DDC: variants seen among roughly 807,000 people sequenced by gnomAD.
DDC encodes dopa decarboxylase.
Under a neutral mutation model 60.0 loss-of-function variants are expected in DDC, and 43 were observed. The ratio of observed to expected loss-of-function variants is 0.72; its 90% confidence interval spans 0.56 to 0.92. DDC has a LOEUF of 0.92. DDC is among the 40% of genes least tolerant of loss of function. The pLI, the probability that DDC is intolerant of heterozygous loss-of-function variation, is 0.00. For synonymous variants in DDC, 232 were observed against 234.6 expected (o/e 0.99, Z 0.10); for missense variants, 573 against 620.2 (o/e 0.92, Z 0.81).
chr7:50,474,559 C>T (rs527931522), intron 11 of DDC, among the ~76,000 whole-genome samples: 37 of 152,228 alleles, frequency 2.4e-4, no homozygotes, highest in African/African-American at 6.3e-4. Flanking sequence ...TCTTGGTGAA[C>T]GGTAGAAACT....
chr7:50,480,801 A>C (rs1436074144), intron 9 of DDC, among the ~76,000 whole-genome samples: 2 of 152,172 alleles, frequency 1.3e-5, no homozygotes, highest in African/African-American at 2.4e-5. Flanking sequence ...GAAAATCCCA[A>C]GGGCTAATGA....
chr7:50,529,185 T>G, intron 5 of DDC, 23 bp downstream of exon 5: 1 of 1,612,596 alleles, frequency 6.2e-7, no homozygotes, highest in Non-Finnish European at 8.5e-7. Flanking sequence ...AAGTCTTGGC[T>G]GATACCCCCA....
intron 9 of DDC, chr7:50,492,685 T>TCTCTGTCCTC: frequency 1.6e-6 from 2 of 1,217,630 alleles, no homozygotes; most frequent in Non-Finnish European, 1.0e-6. Context: ...TACAAGGAAA[T>TCTCTGTCCTC]TTTCCAAATG....
At chr7:50,468,044 G>A (rs1422178809) in intron 12 of DDC, among the ~76,000 whole-genome samples, 1 of 152,258 alleles carries the variant, frequency 6.6e-6, no homozygotes, top group East Asian at 1.9e-4. Flanking sequence ...GGAGCCCTCC[G>A]TGGCGTAGGC....
intron 10 of DDC, among the ~76,000 whole-genome samples, chr7:50,479,552 C>T (rs2042721175): frequency 1.3e-5 from 2 of 152,142 alleles, no homozygotes; most frequent in Admixed American, 1.3e-4. Context: ...ATGAGCCCAG[C>T]AGGTTCTCAG....
At position 50,537,600 on chromosome 7, in the gene DDC, C is replaced by T. The variant is rs11575320; in HGVS notation, c.435+260G>A. Among the ~76,000 whole-genome samples, 33,345 of 152,154 alleles carry T rather than the reference C, an allele frequency of 0.22. 3,797 individuals are homozygous for T. The highest frequency in any genetic ancestry group is 0.39 in the East Asian group (2,037 of 5,172). ...CCACGCACCTGCTGTGAGATAGCGG[C>T]TGTGCTACCTACCATAGCTAGGGGC... On this transcript the variant is annotated intron_variant, in intron 4 of 14. Coordinates refer to ENST00000444124, the MANE Select transcript of DDC (RefSeq NM_001082971.2).
At chr7:50,508,518 C>T (rs1329873976) in intron 6 of DDC, among the ~76,000 whole-genome samples, 1 of 152,188 alleles carries the variant, frequency 6.6e-6, no homozygotes, top group Non-Finnish European at 1.5e-5. Context: ...CAAGCTGGCT[C>T]ATTAGGGAAG....
At chr7:50,463,170 CG>C in intron 14 of DDC, 42 bp downstream of exon 14, 1 of 1,509,252 alleles carries the variant, frequency 6.6e-7, no homozygotes, top group Non-Finnish European at 9.0e-7. Context: ...ACTCTTGCCA[CG>C]GGACAAGGAG....
chr7:50,499,283 C>G (rs1271245728), intron 7 of DDC, 41 bp from the exon 8 acceptor site: 1 of 1,434,442 alleles, frequency 7.0e-7, no homozygotes. Context: ...AGATGGATGC[C>G]TCACCACGGA....
At chr7:50,558,176 C>G (rs2045245304) in intron 1 of DDC, among the ~76,000 whole-genome samples, 1 of 151,816 alleles carries the variant, frequency 6.6e-6, no homozygotes, top group African/African-American at 2.4e-5. Flanking sequence ...TAACCATCTG[C>G]CTTTGCTATT....
chr7:50,513,597 C>T (rs1002957127), intron 6 of DDC, among the ~76,000 whole-genome samples: 3 of 152,120 alleles, frequency 2.0e-5, no homozygotes, highest in Non-Finnish European at 2.9e-5. Flanking sequence ...AAGCCCCTCT[C>T]GCCCATGCCC....
Position 50,528,224 on chromosome 7 carries a change from G to T in DDC, c.627C>A (p.Ile209=), listed in dbSNP as rs755420245. Residue 209 remains isoleucine, a synonymous_variant, in exon 6 of 15, where the codon ATC becomes ATA. Transcript: ENST00000444124. ...GCATGGCGAAGTTGCCATCTGAGGG[G>T]ATGGCTTTTAATTTCACTCCACCAA... ...GLIGGVKLKA[I]PSDGNFAMRA... The T allele has an allele frequency of 3.1e-6, 5 of 1,614,204 alleles. No homozygotes were observed. The South Asian group carries it at 5.5e-5, about 18-fold the overall frequency.
intron 9 of DDC, among the ~76,000 whole-genome samples, chr7:50,483,408 T>C (rs747245065): frequency 6.6e-6 from 1 of 152,226 alleles, no homozygotes; most frequent in Non-Finnish European, 1.5e-5. Flanking sequence ...TTGCTAATGT[T>C]TGACATAGAA....
At chr7:50,497,568 T>A (rs1371922453) in intron 8 of DDC, among the ~76,000 whole-genome samples, 2 of 152,218 alleles carry the variant, frequency 1.3e-5, no homozygotes, top group Non-Finnish European at 2.9e-5. Context: ...ATCTCCATCA[T>A]GCCATGCATT....
intron 1 of DDC, among the ~76,000 whole-genome samples, chr7:50,557,740 C>A (rs1158544480): frequency 6.6e-6 from 1 of 152,148 alleles, no homozygotes; most frequent in African/African-American, 2.4e-5. Context: ...TAGGTCGCAC[C>A]TATTGGGTCT....
chr7:50,497,325 T>C lies in DDC; in HGVS notation c.876+1823A>G, dbSNP rs2043148281. 3.9e-5 allele frequency among the ~76,000 whole-genome samples: 6 copies of C among 152,236 alleles called. No homozygotes were observed. The South Asian group carries it at 1.0e-3, about 26-fold the overall frequency. ...CTGGCTGGAAAGCCCATTGCTGTGGTGGTCTGACAATGAGGCACCCTTCTA... is the reference window on the plus strand; with the variant it reads ...CTGGCTGGAAAGCCCATTGCTGTGGCGGTCTGACAATGAGGCACCCTTCTA... On this transcript the variant is annotated intron_variant, in intron 8 of 14. Transcript: ENST00000444124.
chr7:50,515,865 C>T (rs1220499515), intron 6 of DDC, among the ~76,000 whole-genome samples: 3 of 152,170 alleles, frequency 2.0e-5, no homozygotes, highest in Admixed American at 6.5e-5. Flanking sequence ...CATTGTCCAA[C>T]AGGAAAATAT....
Position 50,537,999 on chromosome 7 carries a change from G to A in DDC, c.316-20C>T. The A allele has an allele frequency of 6.2e-7, 1 of 1,614,166 alleles. No individual in the cohort carries two copies. ...TGCCGCCTGTCGTGGGGGAAGGGAA[G>A]GGATTAACCGAGGGCCAGGCATTGC... On this transcript the variant is annotated intron_variant, in intron 3 of 14. Transcript: ENST00000444124.
chr7:50,482,463 C>T (rs879433550), intron 9 of DDC, among the ~76,000 whole-genome samples: 3 of 152,200 alleles, frequency 2.0e-5, no homozygotes, highest in Non-Finnish European at 2.9e-5. Flanking sequence ...TTCTGGCTCT[C>T]TCTTCTAATG....
Sources: gnomAD v4.1 joint callset for allele counts (sites outside exome capture counted in the v4.1 genomes callset) on GRCh38, gnomAD v4.1.1 for gene constraint, MANE v1.5 for transcripts, NCBI Gene and HGNC (gene_info 2026-07-23, HGNC 2026-07-21) for gene names.